Variants in RTL4 observed in about 807,000 individuals in gnomAD.
RTL4 encodes the protein retrotransposon Gag-like protein 4.
A neutral mutation model predicts 5.3 loss-of-function variants in RTL4; 4 were observed. The observed-to-expected ratio is 0.75, with a 90% confidence interval of 0.37 to 1.72. The LOEUF is 1.72. Among genes scored for constraint, RTL4 ranks in the 40% most tolerant of loss-of-function variants. The probability of loss-of-function intolerance (pLI) is 0.04; values close to 1 mark genes in which losing one functional copy is unlikely to be tolerated. For synonymous variants in RTL4, 98 were observed against 87.3 expected, an observed-to-expected ratio of 1.12 and a Z score of -0.68; for missense variants, 260 against 227.1, an observed-to-expected ratio of 1.14 and a Z score of -0.93.
At chrX:112,157,283 C>T in the RTL4 span, among the ~76,000 whole-genome samples, 1 of 111,009 alleles carries the variant, frequency 9.0e-6, no homozygotes, top group Non-Finnish European at 1.9e-5. Flanking sequence ...AAATATGTTC[C>T]TTTATTTCTT....
At chrX:112,434,256 T>A in the RTL4 span, among the ~76,000 whole-genome samples, 12 of 108,383 alleles carry the variant, frequency 1.1e-4, no homozygotes, top group Non-Finnish European at 2.1e-4. Flanking sequence ...ATCAAATGAG[T>A]TAGGGAGGAT....
At chrX:112,239,779 G>A in the RTL4 span, among the ~76,000 whole-genome samples, 5 of 111,268 alleles carry the variant, frequency 4.5e-5, no homozygotes, top group Non-Finnish European at 9.4e-5. Context: ...ATATTAACAG[G>A]CACACACAGA....
the RTL4 span, among the ~76,000 whole-genome samples, chrX:112,109,633 G>A: frequency 3.6e-3 from 398 of 111,612 alleles, no homozygotes; most frequent in African/African-American, 0.012. Context: ...GGGCTGGTTG[G>A]TGCATTTTAC....
At chrX:112,331,649 C>T in the RTL4 span, among the ~76,000 whole-genome samples, 1 of 107,531 alleles carries the variant, frequency 9.3e-6, no homozygotes, top group Non-Finnish European at 1.9e-5. Flanking sequence ...CCAGCCATGC[C>T]ATTACTGGGT....
the RTL4 span, among the ~76,000 whole-genome samples, chrX:112,158,545 A>AT: frequency 9.2e-6 from 1 of 109,220 alleles, no homozygotes; most frequent in African/African-American, 3.3e-5. Flanking sequence ...TAGAATACGA[A>AT]TTTTTTTACC....
the RTL4 span, among the ~76,000 whole-genome samples, chrX:112,423,743 A>C: frequency 1.8e-5 from 2 of 111,668 alleles, no homozygotes; most frequent in Non-Finnish European, 1.9e-5. Flanking sequence ...TGTGATTTTA[A>C]AAGTGGTCTT....
At chrX:112,130,907 C>A in the RTL4 span, among the ~76,000 whole-genome samples, 2 of 106,478 alleles carry the variant, frequency 1.9e-5, no homozygotes, top group African/African-American at 7.2e-5. Flanking sequence ...CATTCTCCTG[C>A]TTCAGTCTCC....
At chrX:112,297,113 A>T in the RTL4 span, among the ~76,000 whole-genome samples, 4 of 110,573 alleles carry the variant, frequency 3.6e-5, no homozygotes, top group Non-Finnish European at 7.6e-5. Flanking sequence ...TTGGAAGAGA[A>T]GGAATGTCCT....
chrX:112,317,834 A>T, the RTL4 span, among the ~76,000 whole-genome samples: 1 of 111,653 alleles, frequency 9.0e-6, no homozygotes, highest in Non-Finnish European at 1.9e-5. Flanking sequence ...TTGGGACTCA[A>T]AGGTCTGTCT....
chrX:112,095,706 A>G, the RTL4 span, among the ~76,000 whole-genome samples: 1 of 111,592 alleles, frequency 9.0e-6, no homozygotes, highest in Non-Finnish European at 1.9e-5. Flanking sequence ...GTAGGGCCAG[A>G]ATTTATCATT....
At chrX:112,374,655 T>G in the RTL4 span, among the ~76,000 whole-genome samples, 5 of 112,246 alleles carry the variant, frequency 4.5e-5, no homozygotes, top group Non-Finnish European at 7.5e-5. Flanking sequence ...TTTTTGAATT[T>G]TGTCTCCAAA....
At chrX:112,433,834 GT>G in the RTL4 span, among the ~76,000 whole-genome samples, 1 of 62,089 alleles carries the variant, frequency 1.6e-5, no homozygotes, top group African/African-American at 7.2e-5. Context: ...AATGCTTCCA[GT>G]TTTTGCCCAT....
At chrX:112,273,555 T>C in the RTL4 span, among the ~76,000 whole-genome samples, 3,929 of 111,765 alleles carry the variant, frequency 0.035, 164 homozygotes, top group African/African-American at 0.12. Context: ...CCCAACCAAG[T>C]TGATGATTAA....
At chrX:112,145,895 C>T in the RTL4 span, among the ~76,000 whole-genome samples, 1 of 112,070 alleles carries the variant, frequency 8.9e-6, no homozygotes, top group Non-Finnish European at 1.9e-5. Flanking sequence ...AAGGAGAGAG[C>T]AGTCTCAAGC....
chrX:112,161,840 C>CTTTTCTTTCTTTCTTTCTTTCTTTCTTT, the RTL4 span, among the ~76,000 whole-genome samples: 5 of 40,066 alleles, frequency 1.2e-4, no homozygotes, highest in African/African-American at 6.1e-4. Flanking sequence ...TTCCTTCCTT[C>CTTTTCTTTCTTTCTTTCTTTCTTTCTTT]CTTCCTTTCT....
At chrX:112,344,204 T>G in the RTL4 span, among the ~76,000 whole-genome samples, 1 of 110,741 alleles carries the variant, frequency 9.0e-6, no homozygotes, top group Non-Finnish European at 1.9e-5. Context: ...ACTTTCCAGT[T>G]AATCCACATT....
chrX:112,405,572 G>A, the RTL4 span, among the ~76,000 whole-genome samples: 5 of 111,762 alleles, frequency 4.5e-5, no homozygotes, highest in Non-Finnish European at 7.5e-5. Flanking sequence ...GAAGTTTGTA[G>A]CAGCTTGTGC....
chrX:112,435,306 G>A, the RTL4 span, among the ~76,000 whole-genome samples: 1 of 111,756 alleles, frequency 8.9e-6, no homozygotes, highest in African/African-American at 3.2e-5. Flanking sequence ...CAATTCTTCA[G>A]AACATGCTCA....
At chrX:112,130,886 C>T in the RTL4 span, among the ~76,000 whole-genome samples, 6 of 106,759 alleles carry the variant, frequency 5.6e-5, no homozygotes, top group South Asian at 4.2e-4. Flanking sequence ...CTCCTCCTCC[C>T]GGGTTCATGC....
Sources: gnomAD v4.1 joint callset for allele counts (sites outside exome capture counted in the v4.1 genomes callset) on GRCh38, gnomAD v4.1.1 for gene constraint, MANE v1.5 for transcripts, NCBI Gene and HGNC (gene_info 2026-07-23, HGNC 2026-07-21) for gene names.